NTRK1: variants seen among roughly 807,000 people sequenced by gnomAD.
NTRK1 encodes the protein high affinity nerve growth factor receptor.
NTRK1 carries 62 observed loss-of-function variants against 86.8 expected under a neutral mutation model. That is an observed-to-expected ratio of 0.71 (90% CI 0.58 to 0.88). The LOEUF is 0.88. Ranked by LOEUF, NTRK1 falls within the 40% of genes least tolerant of loss-of-function variation. The pLI is 0.00. For synonymous variants in NTRK1, 469 were observed against 456.6 expected, an observed-to-expected ratio of 1.03 and a Z score of -0.35; for missense variants, 967 against 1,078.4, an observed-to-expected ratio of 0.90 and a Z score of 1.45.
rs1340832515 is a variant in NTRK1, at chr1:156,876,560, A to G, written c.1793A>G (p.Asn598Ser). ...VFEYMRHGDL[N>S]RFLRSHGPDA... ...GAGTATATGCGGCACGGGGACCTCAACCGCTTCCTCCGGTACCAGCACCTG... is the reference window on the plus strand; with the variant it reads ...GAGTATATGCGGCACGGGGACCTCAGCCGCTTCCTCCGGTACCAGCACCTG... Residue 598 changes from asparagine to serine, a missense_variant, in exon 14 of 17, where the codon AAC becomes AGC. By Grantham distance (46) the Asn-to-Ser change is conservative. Coordinates refer to ENST00000524377, the MANE Select transcript of NTRK1 (RefSeq NM_002529.4). 1.2e-6 allele frequency: 2 copies of G among 1,612,280 alleles called. No individual in the cohort carries two copies. Among genetic ancestry groups the G allele is most frequent in the East Asian group, 4.5e-5 (2 of 44,878 alleles).
At chr1:156,841,308 G>A in intron 1 of NTRK1, 1 of 1,314,590 alleles carries the variant, frequency 7.6e-7, no homozygotes, top group Non-Finnish European at 1.1e-6. Context: ...CAAAGCATCA[G>A]AGGAGGTGAG....
intron 2 of NTRK1, chr1:156,843,273 C>T (rs754003321): frequency 1.3e-6 from 2 of 1,592,024 alleles, no homozygotes; most frequent in Non-Finnish European, 1.7e-6. Context: ...GGATGCTGCT[C>T]TCTGCCACAC....
At chr1:156,834,463 A>C (rs574229721) in intron 1 of NTRK1, among the ~76,000 whole-genome samples, 26 of 152,172 alleles carry the variant, frequency 1.7e-4, no homozygotes, top group Non-Finnish European at 2.4e-4. Context: ...ACAGAGACCG[A>C]AGGCCAAGAG....
At chr1:156,843,382 T>C (rs1654873462) in intron 2 of NTRK1, 1 of 1,602,030 alleles carries the variant, frequency 6.2e-7, no homozygotes, top group Middle Eastern at 1.7e-4. Context: ...GCTCCTCTCC[T>C]GTCTCCCTTT....
intron 2 of NTRK1, 54 bp from the exon 3 acceptor site, chr1:156,864,673 CA>C: frequency 6.3e-7 from 1 of 1,589,880 alleles, no homozygotes; most frequent in Non-Finnish European, 8.6e-7. Context: ...CAGGGAGGGC[CA>C]GGGGCCCAGA....
At chr1:156,864,133 G>T (rs1158236791) in intron 1 of NTRK1, among the ~76,000 whole-genome samples, 2 of 152,158 alleles carry the variant, frequency 1.3e-5, no homozygotes, top group Admixed American at 6.5e-5. Context: ...GTGCGCTTGT[G>T]TGTTCATGCA....
intron 1 of NTRK1, chr1:156,840,651 G>C (rs1317360927): frequency 1.7e-6 from 1 of 589,728 alleles, no homozygotes; most frequent in Admixed American, 3.0e-5. Context: ...CTCTGGCTTT[G>C]ACCCTGCTTG....
upstream of NTRK1, among the ~76,000 whole-genome samples, chr1:156,858,113 C>CA (rs1655474693): frequency 6.6e-6 from 1 of 152,206 alleles, no homozygotes; most frequent in Non-Finnish European, 1.5e-5. Flanking sequence ...CCTTAGTTCT[C>CA]AGAGCTGCAG....
chr1:156,859,468 C>T (rs1655531027), upstream of NTRK1, among the ~76,000 whole-genome samples: 1 of 152,282 alleles, frequency 6.6e-6, no homozygotes. The surrounding 1 kb of genome is among the most constrained non-coding windows in gnomAD (Gnocchi z 6.2). Context: ...GGTGCCTTGA[C>T]ATCTGCGGGG....
chr1:156,843,538 T>A (rs1654878884), intron 2 of NTRK1: 2 of 1,518,360 alleles, frequency 1.3e-6, no homozygotes, highest in Non-Finnish European at 1.8e-6. Flanking sequence ...ATGAGCAACA[T>A]CAGAAGAAGG....
At chr1:156,848,299 A>G (rs1467921925) in intron 2 of NTRK1, among the ~76,000 whole-genome samples, 1 of 152,144 alleles carries the variant, frequency 6.6e-6, no homozygotes, top group Non-Finnish European at 1.5e-5. Context: ...CTTCTATAAT[A>G]TCTACCAGAG....
chr1:156,832,693 G>A (rs1654495870), intron 1 of NTRK1, among the ~76,000 whole-genome samples: 1 of 152,178 alleles, frequency 6.6e-6, no homozygotes, highest in Non-Finnish European at 1.5e-5. Context: ...CTGCCTGCGA[G>A]CTTTGTGCTT....
rs1319163286 is a variant in NTRK1, at chr1:156,871,744, T to G, written c.839T>G (p.Val280Gly). ...DVGRAEVSVQ[V>G]NVSFPASVQL... ...GGCCGGGCAGAGGTCTCTGTTCAGG[T>G]CAACGTCTCCTGTGAGTCTCAGTGG... The change falls in exon 7 of 17, where the codon GTC becomes GGC. Residue 280 changes from valine to glycine, a missense_variant. By Grantham distance (109) the Val-to-Gly change is moderately radical. Transcript: ENST00000524377. The G allele has an allele frequency of 6.2e-7, 1 of 1,614,110 alleles. No individual in the cohort carries two copies. Among genetic ancestry groups the G allele is most frequent in the Non-Finnish European group, 8.5e-7 (1 of 1,180,012 alleles).
At chr1:156,836,459 C>T (rs1442823020) in intron 1 of NTRK1, among the ~76,000 whole-genome samples, 1 of 152,186 alleles carries the variant, frequency 6.6e-6, no homozygotes, top group East Asian at 1.9e-4. Flanking sequence ...CATCTAGAGG[C>T]CTTGGTGATT....
intron 7 of NTRK1, among the ~76,000 whole-genome samples, chr1:156,872,232 A>AT (rs1313359827): frequency 2.0e-5 from 3 of 152,118 alleles, no homozygotes; most frequent in African/African-American, 7.2e-5. Context: ...ATGTGCAAAA[A>AT]ATATATATAT....
chr1:156,872,243 T>A (rs1461407325), intron 7 of NTRK1, among the ~76,000 whole-genome samples: 1 of 152,158 alleles, frequency 6.6e-6, no homozygotes, highest in Non-Finnish European at 1.5e-5. Flanking sequence ...ATATATATAT[T>A]TTAAACAATA....
intron 1 of NTRK1, among the ~76,000 whole-genome samples, chr1:156,839,192 C>T (rs577692980): frequency 5.3e-5 from 8 of 152,374 alleles, no homozygotes; most frequent in South Asian, 4.1e-4. Flanking sequence ...GTCATAGAGA[C>T]GGCCTCACGC....
chr1:156,864,083 GA>G (rs1247514565), intron 1 of NTRK1, among the ~76,000 whole-genome samples: 1 of 152,140 alleles, frequency 6.6e-6, no homozygotes, highest in Non-Finnish European at 1.5e-5. Context: ...AGGTATGTGA[GA>G]ATGTGCATAT....
At chr1:156,849,460 C>T in intron 2 of NTRK1, 1 of 1,533,006 alleles carries the variant, frequency 6.5e-7, no homozygotes, top group Non-Finnish European at 8.8e-7. Flanking sequence ...GAGTGTAGTT[C>T]CTGGGGGAGG....
Sources: gnomAD v4.1 joint callset for allele counts (sites outside exome capture counted in the v4.1 genomes callset) on GRCh38, gnomAD v4.1.1 for gene constraint, Gnocchi (gnomAD v3.1) non-coding constraint, MANE v1.5 for transcripts, NCBI Gene and HGNC (gene_info 2026-07-23, HGNC 2026-07-21) for gene names.